Variants in THRAP3 observed in about 807,000 individuals in gnomAD.
THRAP3 encodes the protein thyroid hormone receptor associated protein 3.
A neutral mutation model predicts 101.0 loss-of-function variants in THRAP3; 16 were observed. That is an observed-to-expected ratio of 0.16 (90% CI 0.11 to 0.24). The LOEUF is 0.24. THRAP3 is among the 10% of genes least tolerant of loss of function. The probability of loss-of-function intolerance (pLI) is 1.00; values close to 1 mark genes in which losing one functional copy is unlikely to be tolerated. For synonymous variants in THRAP3, 407 were observed against 422.6 expected, an observed-to-expected ratio of 0.96 and a Z score of 0.45; for missense variants, 989 against 1,202.7, an observed-to-expected ratio of 0.82 and a Z score of 2.63.
In THRAP3 at chr1:36,289,560, G is replaced by T. The variant is rs202131608; in HGVS notation, c.1541G>T (p.Gly514Val). The T allele has an allele frequency of 2.2e-5, 35 of 1,614,074 alleles. No individual in the cohort carries two copies. The African/African-American group carries it at 4.4e-4, about 20-fold the overall frequency. ...RGKRSEGGHRGFVPEKNFRVT... is the reference protein window; with the variant it reads ...RGKRSEGGHRVFVPEKNFRVT... ...AAGAGAAGCGAAGGTGGGCACAGGGGCTTTGTGCCTGAGAAGAATTTCCGA... is the reference window on the plus strand; with the variant it reads ...AAGAGAAGCGAAGGTGGGCACAGGGTCTTTGTGCCTGAGAAGAATTTCCGA... The change falls in exon 5 of 12, where the codon GGC (glycine) becomes GTC (valine). Residue 514 changes from glycine (G) to valine (V), a missense_variant. By Grantham distance (109) the Gly-to-Val change is moderately radical (BLOSUM62 -3). Coordinates refer to ENST00000354618, the MANE Select transcript of THRAP3 (RefSeq NM_005119.4).
At chr1:36,251,491 G>C (rs1645300086) in intron 1 of THRAP3, among the ~76,000 whole-genome samples, 1 of 152,142 alleles carries the variant, frequency 6.6e-6, no homozygotes, top group African/African-American at 2.4e-5. Flanking sequence ...AGAATGATAG[G>C]GTTATTTAAG....
chr1:36,292,036 T>G (rs1645874689), intron 6 of THRAP3, among the ~76,000 whole-genome samples: 1 of 152,036 alleles, frequency 6.6e-6, no homozygotes. Context: ...GTGCTGTGCT[T>G]CTGAGGAGAA....
chr1:36,242,918 T>C (rs1007642443), intron 1 of THRAP3, among the ~76,000 whole-genome samples: 11 of 152,210 alleles, frequency 7.2e-5, no homozygotes, highest in African/African-American at 2.7e-4. Context: ...TGTTTTTTTT[T>C]AATTGCTTAT....
intron 2 of THRAP3, among the ~76,000 whole-genome samples, chr1:36,262,542 T>A (rs1197590408): frequency 2.0e-5 from 3 of 152,204 alleles, no homozygotes; most frequent in African/African-American, 7.2e-5. Flanking sequence ...TTATTTCTCC[T>A]ACTGTAGTTC....
In THRAP3 at chr1:36,286,011, C is replaced by T. The variant is rs1021878080; in HGVS notation, c.138-357C>T. Among the ~76,000 whole-genome samples the T allele has an allele frequency of 2.0e-5, 3 of 152,098 alleles. No individual in the cohort carries two copies. Among genetic ancestry groups the T allele is most frequent in the Admixed American group, 6.5e-5 (1 of 15,276 alleles). Reference sequence around the variant, plus strand: ...TGACCTGGAGCCCTGTTAAAATCCCCGTGCCTGTGAAACTGTAAGCTATTA... The same window carrying T: ...TGACCTGGAGCCCTGTTAAAATCCCTGTGCCTGTGAAACTGTAAGCTATTA... On this transcript the variant is annotated intron_variant, in intron 3 of 11. Transcript: ENST00000354618. The surrounding 1 kb of genome is among the most constrained non-coding windows in gnomAD (Gnocchi z 5.5).
At chr1:36,276,175 C>T (rs527897088) in intron 2 of THRAP3, among the ~76,000 whole-genome samples, 5 of 149,494 alleles carry the variant, frequency 3.3e-5, no homozygotes, top group Non-Finnish European at 7.4e-5. Context: ...AGACATGTCA[C>T]ACAAAGTACA....
At chr1:36,249,526 G>T (rs1645272607) in intron 1 of THRAP3, among the ~76,000 whole-genome samples, 1 of 152,138 alleles carries the variant, frequency 6.6e-6, no homozygotes, top group Non-Finnish European at 1.5e-5. Flanking sequence ...TTCATGTTTA[G>T]TGGGAGAGAC....
In THRAP3 at chr1:36,304,918, A is replaced by C. The variant is rs1254022688; in HGVS notation, c.*901A>C. The C allele has an allele frequency of 4.8e-6, 1 of 207,086 alleles. No homozygotes were observed. Among genetic ancestry groups the C allele is most frequent in the Non-Finnish European group, 9.9e-6 (1 of 101,372 alleles). 12.8% of individuals were successfully genotyped at this position (207,086 alleles called of 1,614,324 possible). ...GAAAATTTTTTCAATATTTTTTATT[A>C]ATCTTTTTATAAAATGAAAAGAAAC... On this transcript the variant is annotated 3_prime_UTR_variant, in exon 12 of 12. Coordinates refer to ENST00000354618, the MANE Select transcript of THRAP3 (RefSeq NM_005119.4).
At chr1:36,208,229 T>C in the THRAP3 span, among the ~76,000 whole-genome samples, 1 of 152,060 alleles carries the variant, frequency 6.6e-6, no homozygotes, top group South Asian at 2.1e-4. Context: ...CCTCTCATAG[T>C]TCCCACTGCC....
intron 1 of THRAP3, among the ~76,000 whole-genome samples, chr1:36,229,748 G>C (rs968427590): frequency 1.2e-4 from 19 of 152,142 alleles, no homozygotes; most frequent in South Asian, 1.2e-3. Context: ...TGCCTCCTGG[G>C]TTCAAGTGAT....
chr1:36,212,893 T>G, the THRAP3 span, among the ~76,000 whole-genome samples: 4 of 152,162 alleles, frequency 2.6e-5, no homozygotes, highest in South Asian at 8.3e-4. Context: ...GGTGTTGGAG[T>G]ACTCCTAAAA....
chr1:36,299,364 AGGAGGT>A (rs900846655), intron 9 of THRAP3, among the ~76,000 whole-genome samples: 15 of 151,880 alleles, frequency 9.9e-5, no homozygotes, highest in African/African-American at 2.4e-4. Flanking sequence ...GTTTAAACCC[AGGAGGT>A]GGAGGTTGCA....
intron 1 of THRAP3, among the ~76,000 whole-genome samples, chr1:36,240,455 A>G (rs554174929): frequency 6.6e-6 from 1 of 152,340 alleles, no homozygotes; most frequent in South Asian, 2.1e-4. Flanking sequence ...CAAGCAATCT[A>G]CTTATCCCCA....
chr1:36,211,740 GT>G, the THRAP3 span, among the ~76,000 whole-genome samples: 1 of 152,186 alleles, frequency 6.6e-6, no homozygotes, highest in African/African-American at 2.4e-5. Context: ...TGACTAGAGT[GT>G]TTGGTTTGCT....
chr1:36,299,008 G>A (rs1271249123), intron 9 of THRAP3, among the ~76,000 whole-genome samples: 1 of 151,988 alleles, frequency 6.6e-6, no homozygotes, highest in African/African-American at 2.4e-5. Flanking sequence ...TGCCCAGGAT[G>A]GTCTAGAACT....
At chr1:36,243,955 G>A (rs1195741390) in intron 1 of THRAP3, among the ~76,000 whole-genome samples, 4 of 3,068 alleles carry the variant, frequency 1.3e-3, no homozygotes, top group African/African-American at 3.3e-3. Context: ...CGGATGGGGC[G>A]GCTGGCGGGC....
intron 3 of THRAP3, among the ~76,000 whole-genome samples, chr1:36,283,046 T>A (rs1353654925): frequency 6.6e-6 from 1 of 152,218 alleles, no homozygotes; most frequent in Non-Finnish European, 1.5e-5. Context: ...AAAGTTTATG[T>A]GCATCACTGC....
At chr1:36,239,219 C>T (rs914896470) in intron 1 of THRAP3, among the ~76,000 whole-genome samples, 3 of 143,450 alleles carry the variant, frequency 2.1e-5, no homozygotes, top group Non-Finnish European at 4.5e-5. Context: ...TTTTTATTTT[C>T]TGTAGAGGCG....
intron 1 of THRAP3, among the ~76,000 whole-genome samples, chr1:36,249,950 CAT>C (rs2124448151): frequency 6.6e-6 from 1 of 152,182 alleles, no homozygotes; most frequent in South Asian, 2.1e-4. Flanking sequence ...GGAGGAATGA[CAT>C]GATCATATTT....
Sources: gnomAD v4.1 joint callset for allele counts (sites outside exome capture counted in the v4.1 genomes callset) on GRCh38, gnomAD v4.1.1 for gene constraint, Gnocchi (gnomAD v3.1) non-coding constraint, MANE v1.5 for transcripts, NCBI Gene and HGNC (gene_info 2026-07-23, HGNC 2026-07-21) for gene names.